Variants in NPIPA7 observed in about 807,000 individuals in gnomAD.
NPIPA7 encodes nuclear pore complex-interacting protein family member A7.
At chr16:16,386,417 C>G (rs2050128434) in intron 2 of NPIPA7, among the ~76,000 whole-genome samples, 1 of 130,436 alleles carries the variant, frequency 7.7e-6, no homozygotes, top group African/African-American at 2.9e-5. Flanking sequence ...TTGAAGTGTA[C>G]AGTTCAGTTG....
At chr16:16,387,152 T>A (rs2050169113) in intron 2 of NPIPA7, among the ~76,000 whole-genome samples, 1 of 127,516 alleles carries the variant, frequency 7.8e-6, no homozygotes, top group African/African-American at 2.7e-5. Context: ...CTCGGCTCAC[T>A]GCAAACTCCG....
chr16:16,386,963 G>A (rs1159315003), intron 2 of NPIPA7, among the ~76,000 whole-genome samples: 1 of 143,916 alleles, frequency 6.9e-6, no homozygotes, highest in Non-Finnish European at 1.5e-5. Flanking sequence ...TGGTGAGGCT[G>A]GTCTCAAACT....
Position 16,386,525 on chromosome 16 carries a change from C to T in NPIPA7, c.193-874C>T, listed in dbSNP as rs1271246461. On this transcript the variant is annotated intron_variant, in intron 2 of 7. Coordinates refer to ENST00000530217, the Ensembl canonical transcript of NPIPA7. ...AGTGCAGTGGTGGGATCTTGGCTCACTGCACCCTCTGCCTCCTGGGTTCAA... is the reference window on the plus strand; with the variant it reads ...AGTGCAGTGGTGGGATCTTGGCTCATTGCACCCTCTGCCTCCTGGGTTCAA... Among the ~76,000 whole-genome samples the T allele has an allele frequency of 5.5e-5, 5 of 90,308 alleles. No homozygotes were observed. In the East Asian group the frequency reaches 1.9e-3, roughly 34 times the overall value. 59.2% of individuals were successfully genotyped at this position (90,308 alleles called of 152,430 possible).
At chr16:16,386,332 A>C (rs1363471129) in intron 2 of NPIPA7, among the ~76,000 whole-genome samples, 1 of 142,354 alleles carries the variant, frequency 7.0e-6, no homozygotes, top group Non-Finnish European at 1.5e-5. Context: ...GAAGGTAATT[A>C]CTTCCTTTTC....
chr16:16,382,103 C>T (rs1452449249), intron 1 of NPIPA7, among the ~76,000 whole-genome samples: 1 of 109,690 alleles, frequency 9.1e-6, no homozygotes, highest in Non-Finnish European at 1.9e-5. Context: ...GTAATCTCTT[C>T]ATTGTATTTT....
chr16:16,388,612 C>T (rs1264852296), intron 4 of NPIPA7, among the ~76,000 whole-genome samples: 1 of 12,146 alleles, frequency 8.2e-5, no homozygotes, highest in African/African-American at 3.1e-4. Context: ...CTCACTGCAA[C>T]TTCCGCCTCC....
At chr16:16,387,060 TTGTGTGTGTGTGTGTGTGTGTG>T (rs374685325) in intron 2 of NPIPA7, among the ~76,000 whole-genome samples, 1 of 101,452 alleles carries the variant, frequency 9.9e-6, no homozygotes, top group East Asian at 4.1e-4. Flanking sequence ...ATGTCATTCT[TTGTGTGTGTGTGTGTGTGTGTG>T]TGTGTGTGTG....
At chr16:16,386,311 C>T (rs2050124644) in intron 2 of NPIPA7, among the ~76,000 whole-genome samples, 1 of 141,394 alleles carries the variant, frequency 7.1e-6, no homozygotes. Context: ...AATTCTAGAA[C>T]TCAGAGAGCT....
chr16:16,386,337 C>T (rs1414923037), intron 2 of NPIPA7, among the ~76,000 whole-genome samples: 1 of 142,212 alleles, frequency 7.0e-6, no homozygotes, highest in East Asian at 2.2e-4. Context: ...TAATTACTTC[C>T]TTTTCAAGTT....
intron 2 of NPIPA7, among the ~76,000 whole-genome samples, chr16:16,386,403 C>A (rs1403871851): frequency 1.5e-5 from 2 of 134,814 alleles, no homozygotes; most frequent in Non-Finnish European, 3.2e-5. Flanking sequence ...ACCATCTAAC[C>A]GTGTTGAAGT....
chr16:16,386,875 G>A (rs1333536320), intron 2 of NPIPA7, among the ~76,000 whole-genome samples: 4 of 130,268 alleles, frequency 3.1e-5, no homozygotes, highest in Admixed American at 8.3e-5. Context: ...TCAGCCTCGC[G>A]ACTAGCTGGG....
At chr16:16,390,589 A>AT (rs1430818353) in intron 4 of NPIPA7, among the ~76,000 whole-genome samples, 178 bp from the exon 5 acceptor site, 15 of 66,816 alleles carry the variant, frequency 2.2e-4, no homozygotes, top group Non-Finnish European at 4.7e-4. Flanking sequence ...CCAGAGTGTG[A>AT]TTTTTTTTAT....
intron 2 of NPIPA7, among the ~76,000 whole-genome samples, chr16:16,387,098 CAG>C (rs1307505973): frequency 2.7e-5 from 3 of 110,530 alleles, no homozygotes; most frequent in Admixed American, 9.9e-5. Flanking sequence ...GTGTGTGTGA[CAG>C]AGTCTCATTC....
chr16:16,386,556 T>TC (rs2050137538), intron 2 of NPIPA7, among the ~76,000 whole-genome samples: 1 of 101,202 alleles, frequency 9.9e-6, no homozygotes, highest in Non-Finnish European at 2.1e-5. Flanking sequence ...TTCAAGCAGT[T>TC]CTCCTGCCTC....
In NPIPA7 at chr16:16,387,060, TTGTGTGTGTG is replaced by T. The variant is rs374685325; in HGVS notation, c.193-312_193-303del. Reference sequence around the variant, plus strand: ...CACCCTGCCAGCCTCATGTCATTCTTTGTGTGTGTGTGTGTGTGTGTGTGTGTGTGTGTGT... The same window carrying T: ...CACCCTGCCAGCCTCATGTCATTCTTTGTGTGTGTGTGTGTGTGTGTGTGT... On this transcript the variant is annotated intron_variant, in intron 2 of 7. Coordinates refer to ENST00000530217, the Ensembl canonical transcript of NPIPA7. Among the ~76,000 whole-genome samples the T allele has an allele frequency of 1.4e-4, 14 of 101,536 alleles. No individual in the cohort carries two copies. The South Asian group carries it at 1.4e-3, about 10-fold the overall frequency. 66.6% of individuals were successfully genotyped at this position (101,536 alleles called of 152,430 possible). A position where few individuals can be genotyped will look rare whatever the true frequency, so the allele number is the denominator to read the frequency against.
intron 4 of NPIPA7, among the ~76,000 whole-genome samples, chr16:16,388,053 T>C (rs1264154053): frequency 2.7e-5 from 2 of 72,922 alleles, no homozygotes; most frequent in African/African-American, 8.0e-5. Context: ...TTCTCTCTCT[T>C]TTTTTTTTTT....
chr16:16,386,442 ATG>A (rs1278772851), intron 2 of NPIPA7, among the ~76,000 whole-genome samples: 4 of 101,236 alleles, frequency 4.0e-5, no homozygotes, highest in African/African-American at 1.6e-4. Context: ...AAGTATATTC[ATG>A]TCATTTTTTT....
At chr16:16,386,593 G>A (rs1359058526) in intron 2 of NPIPA7, among the ~76,000 whole-genome samples, 2 of 106,538 alleles carry the variant, frequency 1.9e-5, no homozygotes, top group Non-Finnish European at 4.0e-5. Flanking sequence ...GGGACTACAG[G>A]CGTGGGCCAC....
In NPIPA7 at chr16:16,386,224, T is replaced by A. The variant is rs879416722; in HGVS notation, c.193-1175T>A. 8.1e-4 allele frequency among the ~76,000 whole-genome samples: 96 copies of A among 118,426 alleles called. 2 individuals carry two copies. The highest frequency in any genetic ancestry group is 2.6e-3 in the African/African-American group (77 of 30,146). 77.7% of individuals were successfully genotyped at this position (118,426 alleles called of 152,430 possible). ...GAAGCTGATGTGAGGGAAGGGAAAG[T>A]GAACTCTGAGTAGAGCAGGGACAGA... On this transcript the variant is annotated intron_variant, in intron 2 of 7. Transcript: ENST00000530217.
Sources: allele counts gnomAD v4.1 joint callset (sites outside exome capture counted in the v4.1 genomes callset), GRCh38; gene constraint gnomAD v4.1.1; transcripts MANE v1.5; gene names NCBI Gene and HGNC (gene_info 2026-07-23, HGNC 2026-07-21).